Variants in PTPRD observed in about 807,000 individuals in gnomAD.
PTPRD encodes receptor-type tyrosine-protein phosphatase delta.
A neutral mutation model predicts 214.5 loss-of-function variants in PTPRD; 34 were observed. That is an observed-to-expected ratio of 0.16 (90% CI 0.12 to 0.21). PTPRD has a LOEUF of 0.21. PTPRD is among the 10% of genes least tolerant of loss of function. The pLI, the probability that PTPRD is intolerant of heterozygous loss-of-function variation, is 1.00. For synonymous variants in PTPRD, 1,128 were observed against 845.7 expected (o/e 1.33, Z -5.79); for missense variants, 2,545 against 2,398.7 (o/e 1.06, Z -1.27).
At chr9:9,519,742 A>G (rs1011270642) in intron 8 of PTPRD, among the ~76,000 whole-genome samples, 2 of 152,086 alleles carry the variant, frequency 1.3e-5, no homozygotes, top group African/African-American at 4.8e-5. Context: ...TGGTTCATCA[A>G]TTGAAAGACT....
At chr9:10,178,863 A>C (rs2099265044) in intron 3 of PTPRD, among the ~76,000 whole-genome samples, 2 of 151,982 alleles carry the variant, frequency 1.3e-5, no homozygotes, top group Admixed American at 6.6e-5. Flanking sequence ...GGGGGATAAA[A>C]TGTCCCGGTT....
chr9:9,742,977 C>T (rs1480839547), intron 6 of PTPRD, among the ~76,000 whole-genome samples: 1 of 152,102 alleles, frequency 6.6e-6, no homozygotes, highest in African/African-American at 2.4e-5. Context: ...AATTAATAGG[C>T]ATAACTGTAC....
chr9:9,553,921 C>A lies in PTPRD; in HGVS notation c.-237+20811G>T, dbSNP rs564061578. On this transcript the variant is annotated intron_variant, in intron 8 of 45. Coordinates refer to ENST00000381196, the MANE Select transcript of PTPRD (RefSeq NM_002839.4). The stretch of plus-strand genomic sequence containing the variant: ...GAAAGTTGACAGCTGCAGGCATATA[C>A]CCTCTGACAACAAAGCTTACATATG... 1.1e-4 allele frequency among the ~76,000 whole-genome samples: 17 copies of A among 152,084 alleles called. No homozygotes were observed. In the East Asian group the frequency reaches 3.1e-3, roughly 28 times the overall value.
At chr9:9,464,287 T>G (rs2093941125) in intron 8 of PTPRD, among the ~76,000 whole-genome samples, 1 of 152,122 alleles carries the variant, frequency 6.6e-6, no homozygotes, top group Non-Finnish European at 1.5e-5. Context: ...CTTTTCTCCC[T>G]CTCACCCTCC....
At chr9:9,438,015 C>A (rs1324286215) in intron 8 of PTPRD, among the ~76,000 whole-genome samples, 2 of 152,106 alleles carry the variant, frequency 1.3e-5, no homozygotes, top group Admixed American at 1.3e-4. Flanking sequence ...TGTTCTAGGC[C>A]TTTCTCCTTA....
chr9:9,527,485 A>C (rs1223985877), intron 8 of PTPRD, among the ~76,000 whole-genome samples: 1 of 152,214 alleles, frequency 6.6e-6, no homozygotes. Flanking sequence ...GTTTTAAAAA[A>C]TTGTAATCAA....
chr9:8,686,649 CAG>C (rs1014390769), intron 12 of PTPRD, among the ~76,000 whole-genome samples: 3 of 152,110 alleles, frequency 2.0e-5, no homozygotes, highest in Non-Finnish European at 4.4e-5. Flanking sequence ...GGATCGGAAC[CAG>C]AGTTATTTTG....
intron 7 of PTPRD, among the ~76,000 whole-genome samples, chr9:9,597,544 T>G (rs539081163): frequency 1.8e-4 from 27 of 151,970 alleles, no homozygotes; most frequent in Non-Finnish European, 3.1e-4. Context: ...ATAGGAATAT[T>G]CAAGAGGAAA....
chr9:9,068,333 A>G (rs185391248), intron 10 of PTPRD, among the ~76,000 whole-genome samples: 2 of 152,324 alleles, frequency 1.3e-5, no homozygotes, highest in East Asian at 1.9e-4. Flanking sequence ...CTGTGTTAAC[A>G]TAGGTTTCCC....
chr9:8,708,521 C>CA (rs112863907), intron 12 of PTPRD, among the ~76,000 whole-genome samples: 1 of 150,808 alleles, frequency 6.6e-6, no homozygotes, highest in Non-Finnish European at 1.5e-5. Context: ...CAAAAAAATA[C>CA]AAAAAAAATT....
intron 9 of PTPRD, among the ~76,000 whole-genome samples, chr9:9,355,492 T>C (rs2053414516): frequency 6.6e-6 from 1 of 151,642 alleles, no homozygotes; most frequent in South Asian, 2.1e-4. Context: ...AAAAACCATT[T>C]TTAGGTTTTT....
chr9:9,603,479 T>G lies in PTPRD; in HGVS notation c.-286-28698A>C, dbSNP rs183509553. ...GGTCCCCAACCCTAAGGACACAGACTTGAACCAGTCCTTGGCCTGTCAGGA... is the reference window on the plus strand; with the variant it reads ...GGTCCCCAACCCTAAGGACACAGACGTGAACCAGTCCTTGGCCTGTCAGGA... On this transcript the variant is annotated intron_variant, in intron 7 of 45. Coordinates refer to ENST00000381196, the MANE Select transcript of PTPRD (RefSeq NM_002839.4). 2.0e-5 allele frequency among the ~76,000 whole-genome samples: 3 copies of G among 152,256 alleles called. No individual in the cohort carries two copies. The East Asian group carries it at 5.8e-4, about 29-fold the overall frequency.
chr9:9,883,009 G>A (rs2069339893), intron 5 of PTPRD, among the ~76,000 whole-genome samples: 1 of 152,116 alleles, frequency 6.6e-6, no homozygotes, highest in South Asian at 2.1e-4. Flanking sequence ...ATGATTGTAA[G>A]CTACATGAGG....
At chr9:9,779,291 T>G (rs2476587) in intron 5 of PTPRD, among the ~76,000 whole-genome samples, 1 of 151,662 alleles carries the variant, frequency 6.6e-6, no homozygotes, top group African/African-American at 2.4e-5. Context: ...AGACATTGGC[T>G]TTGACAAAAA....
chr9:9,360,755 TAG>T (rs1376041603), intron 9 of PTPRD, among the ~76,000 whole-genome samples: 1 of 151,150 alleles, frequency 6.6e-6, no homozygotes, highest in Non-Finnish European at 1.5e-5. Context: ...TGCTTGATGA[TAG>T]ATAGCTTTAC....
intron 12 of PTPRD, among the ~76,000 whole-genome samples, chr9:8,640,855 T>TTCTCAGGATGCATTCACAAC (rs2096561709): frequency 6.7e-6 from 1 of 149,106 alleles, no homozygotes; most frequent in African/African-American, 2.6e-5. Flanking sequence ...CTCAAGATAA[T>TTCTCAGGATGCATTCACAAC]ATAGTAAAAT....
chr9:8,672,390 C>T lies in PTPRD; in HGVS notation c.65-35546G>A, dbSNP rs143513861. ...TTCCCCAAAAGAATTTGACACTACA[C>T]ATATCTACAAAACATATTGACTAAA... On this transcript the variant is annotated intron_variant, in intron 12 of 45. Coordinates refer to ENST00000381196, the MANE Select transcript of PTPRD (RefSeq NM_002839.4). 4.5e-4 allele frequency among the ~76,000 whole-genome samples: 69 copies of T among 152,184 alleles called. 1 individual carries two copies. The East Asian group carries it at 0.013, about 28-fold the overall frequency.
At chr9:9,139,817 G>C (rs896930554) in intron 10 of PTPRD, among the ~76,000 whole-genome samples, 4 of 152,206 alleles carry the variant, frequency 2.6e-5, no homozygotes, top group African/African-American at 7.2e-5. Context: ...ACCGGCAACA[G>C]TGGCTTTCTA....
At position 8,364,293 on chromosome 9, in the gene PTPRD, T is replaced by C. The variant is rs181295430; in HGVS notation, c.4661+11643A>G. Among the ~76,000 whole-genome samples, 10 of 152,360 alleles carry C rather than the reference T, an allele frequency of 6.6e-5. No homozygotes were observed. In the East Asian group the frequency reaches 1.9e-3, roughly 29 times the overall value. ...GAAGCAGAGTCTTATATAAGCGTGT[T>C]ACACAAAATGGAGATTTGGCACATG... On this transcript the variant is annotated intron_variant, in intron 39 of 45. Transcript: ENST00000381196.
Sources: gnomAD v4.1 joint callset for allele counts (sites outside exome capture counted in the v4.1 genomes callset) on GRCh38, gnomAD v4.1.1 for gene constraint, MANE v1.5 for transcripts, NCBI Gene and HGNC (gene_info 2026-07-23, HGNC 2026-07-21) for gene names.